Variants in EXOC4 observed in about 807,000 individuals in gnomAD.
EXOC4 encodes SEC8-like 1.
EXOC4 carries 71 observed loss-of-function variants against 107.2 expected under a neutral mutation model. The ratio of observed to expected loss-of-function variants is 0.66; its 90% CI spans 0.55 to 0.81. The LOEUF is 0.81. Among genes scored for constraint, EXOC4 ranks in the 30% least tolerant of loss-of-function variants. EXOC4 has a pLI of 0.00. For synonymous variants in EXOC4, 456 were observed against 441.2 expected, an observed-to-expected ratio of 1.03 and a Z score of -0.42; for missense variants, 1,108 against 1,189.6, an observed-to-expected ratio of 0.93 and a Z score of 1.01.
chr7:133,673,987 G>A (rs964704044), intron 10 of EXOC4, among the ~76,000 whole-genome samples: 2 of 152,154 alleles, frequency 1.3e-5, no homozygotes, highest in African/African-American at 4.8e-5. Flanking sequence ...GGGTTGTATG[G>A]TGCCCTATTC....
chr7:133,837,845 C>CT (rs1797949085), intron 11 of EXOC4, among the ~76,000 whole-genome samples: 1 of 152,092 alleles, frequency 6.6e-6, no homozygotes, highest in African/African-American at 2.4e-5. Context: ...GTAAAACTTC[C>CT]TAACTCAAAA....
intron 10 of EXOC4, among the ~76,000 whole-genome samples, chr7:133,680,532 C>T (rs979926527): frequency 6.6e-6 from 1 of 152,172 alleles, no homozygotes; most frequent in Non-Finnish European, 1.5e-5. Context: ...TTGCAGTTCC[C>T]AGAGTCTCAG....
chr7:133,868,936 T>C (rs147599666), intron 11 of EXOC4, among the ~76,000 whole-genome samples: 67 of 152,190 alleles, frequency 4.4e-4, no homozygotes, highest in African/African-American at 1.6e-3. Flanking sequence ...CATCTCTCCT[T>C]CCTGCTCCCT....
At chr7:133,539,845 C>T (rs1800345607) in intron 9 of EXOC4, among the ~76,000 whole-genome samples, 2 of 152,038 alleles carry the variant, frequency 1.3e-5, no homozygotes, top group South Asian at 4.1e-4. Flanking sequence ...AATCCCTAGA[C>T]CTGAGAATTT....
chr7:133,957,411 C>G (rs995541378), intron 14 of EXOC4, among the ~76,000 whole-genome samples: 12 of 152,270 alleles, frequency 7.9e-5, no homozygotes, highest in Admixed American at 2.0e-4. Context: ...CTTTCAAGCA[C>G]TTACTTTTGA....
At chr7:133,301,880 T>C (rs1251706764) in intron 3 of EXOC4, among the ~76,000 whole-genome samples, 1 of 152,226 alleles carries the variant, frequency 6.6e-6, no homozygotes, top group Non-Finnish European at 1.5e-5. Flanking sequence ...CAGTGGTTCA[T>C]GTCAGAACAC....
intron 3 of EXOC4, chr7:133,291,018 A>C (rs554662307): frequency 4.6e-5 from 7 of 152,194 alleles, no homozygotes; most frequent in Non-Finnish European, 1.0e-4. Flanking sequence ...TTCCACCTTT[A>C]CAGAAGAAAA....
intron 14 of EXOC4, among the ~76,000 whole-genome samples, chr7:133,958,122 A>G (rs1800860041): frequency 2.0e-5 from 3 of 152,170 alleles, no homozygotes. Context: ...GCACTTAGTA[A>G]ATGTTTTATC....
intron 10 of EXOC4, among the ~76,000 whole-genome samples, chr7:133,765,834 C>G (rs1796124131): frequency 6.6e-6 from 1 of 151,934 alleles, no homozygotes; most frequent in African/African-American, 2.4e-5. Flanking sequence ...TTTCCCTACT[C>G]TCTCTTTTTG....
intron 7 of EXOC4, among the ~76,000 whole-genome samples, chr7:133,402,357 A>G (rs973378211): frequency 6.6e-6 from 1 of 152,220 alleles, no homozygotes; most frequent in Non-Finnish European, 1.5e-5. Flanking sequence ...TCTATCGGGA[A>G]TAAGTTGTGG....
chr7:133,257,856 T>G (rs1371630019), intron 1 of EXOC4, among the ~76,000 whole-genome samples: 1 of 152,204 alleles, frequency 6.6e-6, no homozygotes, highest in Non-Finnish European at 1.5e-5. Flanking sequence ...TGGAGAGTAT[T>G]TTGGTCAGCC....
chr7:133,480,180 G>T (rs777989073), intron 9 of EXOC4, 42 bp downstream of exon 9: 95 of 1,604,608 alleles, frequency 5.9e-5, no homozygotes, highest in Middle Eastern at 3.6e-4. Flanking sequence ...TTTTCTGGAG[G>T]AGTATTTCCT....
At position 133,288,435 on chromosome 7, in the gene EXOC4, G is replaced by A. The variant is rs377588600; in HGVS notation, c.277-487G>A. ...TGCCTACTTTCTTTTGGAAGCTGGGGTTACTTTTATTTTAGTTAGGTTGAG... is the reference window on the plus strand; with the variant it reads ...TGCCTACTTTCTTTTGGAAGCTGGGATTACTTTTATTTTAGTTAGGTTGAG... On this transcript the variant is annotated intron_variant, in intron 2 of 17. Transcript: ENST00000253861. Among the ~76,000 whole-genome samples, 4 of 152,210 alleles carry A rather than the reference G, an allele frequency of 2.6e-5. No homozygotes were observed. In the East Asian group the frequency reaches 5.8e-4, roughly 22 times the overall value.
intron 3 of EXOC4, among the ~76,000 whole-genome samples, chr7:133,295,722 T>A (rs1386400695): frequency 6.6e-6 from 1 of 152,140 alleles, no homozygotes; most frequent in Non-Finnish European, 1.5e-5. Flanking sequence ...TTCTCTTCTT[T>A]ATGCGCAAGG....
At chr7:133,447,567 CAT>C (rs1406185205) in intron 7 of EXOC4, among the ~76,000 whole-genome samples, 7 of 152,008 alleles carry the variant, frequency 4.6e-5, no homozygotes, top group African/African-American at 7.2e-5. Flanking sequence ...AAATTTTCAA[CAT>C]ATTGGGAGTA....
intron 12 of EXOC4, among the ~76,000 whole-genome samples, chr7:133,902,582 A>G (rs377586290): frequency 6.6e-6 from 1 of 152,118 alleles, no homozygotes; most frequent in Non-Finnish European, 1.5e-5. Context: ...GGCCGGGCGC[A>G]GTGGCTCACA....
chr7:133,553,476 A>T (rs1205095294), intron 9 of EXOC4, among the ~76,000 whole-genome samples: 1 of 152,012 alleles, frequency 6.6e-6, no homozygotes, highest in Non-Finnish European at 1.5e-5. Flanking sequence ...CTCCGATTTC[A>T]TTCCCTGAAC....
chr7:133,847,636 C>T (rs1191270430), intron 11 of EXOC4, among the ~76,000 whole-genome samples: 2 of 150,514 alleles, frequency 1.3e-5, no homozygotes, highest in African/African-American at 2.4e-5. Context: ...CAGCCCACCT[C>T]GGGCTCCCAA....
intron 5 of EXOC4, among the ~76,000 whole-genome samples, chr7:133,353,426 T>C (rs2150651435): frequency 6.6e-6 from 1 of 152,252 alleles, no homozygotes; most frequent in East Asian, 1.9e-4. Flanking sequence ...GTTGACAGTT[T>C]TTTTATTTGT....
Sources: gnomAD v4.1 joint callset for allele counts (sites outside exome capture counted in the v4.1 genomes callset) on GRCh38, gnomAD v4.1.1 for gene constraint, MANE v1.5 for transcripts, NCBI Gene and HGNC (gene_info 2026-07-23, HGNC 2026-07-21) for gene names.